MFN2: variants seen among roughly 807,000 people sequenced by gnomAD.
MFN2 encodes mitofusin 2.
MFN2 carries 43 observed loss-of-function variants against 87.5 expected under a neutral mutation model. The observed-to-expected ratio is 0.49, with a 90% CI of 0.38 to 0.63. The LOEUF is 0.63. Among genes scored for constraint, MFN2 ranks in the 30% least tolerant of loss-of-function variants. MFN2 has a pLI of 0.00. For synonymous variants in MFN2, 337 were observed against 359.9 expected, an observed-to-expected ratio of 0.94 and a Z score of 0.72; for missense variants, 743 against 972.8, an observed-to-expected ratio of 0.76 and a Z score of 3.14.
Position 12,004,711 on chromosome 1 carries a change from A to G in MFN2, c.1392+98A>G. On this transcript the variant is annotated intron_variant, in intron 13 of 18. Coordinates refer to ENST00000235329, the MANE Select transcript of MFN2 (RefSeq NM_014874.4). This position sits in a 1 kb window ranked among gnomAD's most constrained non-coding sequence, Gnocchi z 4.2. ...AGGGCCCCCCAGCAGTGACAGTAGA[A>G]GCCACAGAGACAAGGCCCAGGCTTC... The G allele has an allele frequency of 6.7e-7, 1 of 1,494,942 alleles. No individual in the cohort carries two copies. Among genetic ancestry groups the G allele is most frequent in the Non-Finnish European group, 9.3e-7 (1 of 1,073,706 alleles). 92.6% of individuals were successfully genotyped at this position (1,494,942 alleles called of 1,614,324 possible).
At chr1:12,005,490 A>G (rs763956911) in intron 14 of MFN2, among the ~76,000 whole-genome samples, 2 of 152,228 alleles carry the variant, frequency 1.3e-5, no homozygotes, top group African/African-American at 2.4e-5. Flanking sequence ...CGTGAGGCAT[A>G]AGTGTTAGCA....
At position 12,007,189 on chromosome 1, in the gene MFN2, G is replaced by T; in HGVS notation, c.2009G>T (p.Ser670Ile). 6.2e-7 allele frequency: 1 copy of T among 1,614,182 alleles called. No homozygotes were observed. ...AFKRQFVEHA[S>I]EKLQLVISYT... ...AAGCGCCAGTTTGTGGAGCATGCCA[G>T]CGAGAAGCTGCAGCTTGTCATCAGC... Residue 670 changes from serine to isoleucine, a missense_variant, in exon 17 of 19, where the codon AGC becomes ATC. Around this residue, in one of 3 missense-constraint regions of MFN2, gnomAD observed 571 missense variants for 670.7 expected, o/e 0.85. Coordinates refer to ENST00000235329, the MANE Select transcript of MFN2 (RefSeq NM_014874.4).
chr1:12,006,069 A>G, intron 15 of MFN2, 138 bp downstream of exon 15: 1 of 753,472 alleles, frequency 1.3e-6, no homozygotes, highest in Non-Finnish European at 2.2e-6. Context: ...AGTACACCAC[A>G]GACAGAATTT....
intron 1 of MFN2, among the ~76,000 whole-genome samples, chr1:11,980,804 A>G (rs1195919533): frequency 6.6e-6 from 1 of 152,168 alleles, no homozygotes; most frequent in Non-Finnish European, 1.5e-5. Context: ...TTTACTCAGC[A>G]CCTGATAGGT....
intron 16 of MFN2, 43 bp from the exon 17 acceptor site, chr1:12,007,010 G>A (rs374393255): frequency 3.7e-6 from 6 of 1,610,482 alleles, no homozygotes; most frequent in Non-Finnish European, 5.1e-6. Flanking sequence ...AGGAGGGTGG[G>A]CCACAGAGAG....
chr1:11,994,331 G>C (rs146513119), intron 4 of MFN2, among the ~76,000 whole-genome samples: 1,876 of 152,348 alleles, frequency 0.012, 26 homozygotes, highest in African/African-American at 0.042. Flanking sequence ...GCTCACGCCT[G>C]TAATCCCAGC....
At chr1:12,011,083 C>T (rs561910571) in intron 18 of MFN2, among the ~76,000 whole-genome samples, 13 of 152,278 alleles carry the variant, frequency 8.5e-5, no homozygotes, top group African/African-American at 3.1e-4. Flanking sequence ...TGCTTGCCCT[C>T]TGGGGACTCT....
intron 6 of MFN2, among the ~76,000 whole-genome samples, chr1:11,998,117 C>G (rs1639007517): frequency 6.6e-6 from 1 of 151,524 alleles, no homozygotes; most frequent in African/African-American, 2.4e-5. Flanking sequence ...CTGCTGACCT[C>G]ATGATCCGCC....
rs1638958555 is a variant in MFN2, at chr1:11,997,362, T to A, written c.540T>A (p.Ser180Arg). ...AGCTCCATGCCGGCAGCCTAGTGAG[T>A]GTGATGTGGCCCAACTCTAAGTGCC... ...DKQLHAGSLV[S>R]VMWPNSKCPL... is the part of the protein sequence containing the mutation. Residue 180 changes from serine to arginine, a missense_variant, in exon 6 of 19, where the codon AGT becomes AGA. Coordinates refer to ENST00000235329, the MANE Select transcript of MFN2 (RefSeq NM_014874.4). The A allele has an allele frequency of 6.2e-7, 1 of 1,613,956 alleles. No individual in the cohort carries two copies. The highest frequency in any genetic ancestry group is 1.3e-5 in the African/African-American group (1 of 74,888).
At chr1:11,992,523 C>T (rs1638732195) in intron 3 of MFN2, 32 bp from the exon 4 acceptor site, 5 of 1,614,010 alleles carry the variant, frequency 3.1e-6, no homozygotes, top group Middle Eastern at 1.6e-4. Context: ...CCTCTGACCA[C>T]GTGGTGACCC....
At chr1:12,000,868 G>A (rs191025884) in intron 8 of MFN2, among the ~76,000 whole-genome samples, 2 of 152,266 alleles carry the variant, frequency 1.3e-5, no homozygotes, top group Admixed American at 1.3e-4. Context: ...AAGCATTTCT[G>A]CTTGTATATG....
In MFN2 at chr1:12,006,526, TTCTC is replaced by T. The variant is rs746359726; in HGVS notation, c.1717-9_1717-6del. 1.5e-5 allele frequency: 24 copies of T among 1,614,030 alleles called. 1 individual carries two copies. Among genetic ancestry groups the T allele is most frequent in the Admixed American group, 1.7e-5 (1 of 60,010 alleles). ...TACGTCCCCCTCACCCCTCTCATGTTTCTCTCCTCAGGTCCAGCGTCCCATCCCT... is the reference window on the plus strand; with the variant it reads ...TACGTCCCCCTCACCCCTCTCATGTTTCCTCAGGTCCAGCGTCCCATCCCT... On this transcript the variant is annotated splice_region_variant and splice_polypyrimidine_tract_variant and intron_variant, in intron 15 of 18. Transcript: ENST00000235329.
chr1:11,994,002 C>A lies in MFN2; in HGVS notation c.311+1312C>A, dbSNP rs1275069881. Among the ~76,000 whole-genome samples the A allele has an allele frequency of 2.6e-5, 4 of 152,152 alleles. No individual in the cohort carries two copies. The East Asian group carries it at 7.7e-4, about 29-fold the overall frequency. On this transcript the variant is annotated intron_variant, in intron 4 of 18. Coordinates refer to ENST00000235329, the MANE Select transcript of MFN2 (RefSeq NM_014874.4). ...TGGGTCACAACTTTGTTTAAAGGAA[C>A]ACTTCCACAGCTGTAGTCAAAGGTG...
At chr1:12,001,903 G>A in intron 10 of MFN2, 67 bp downstream of exon 10, 1 of 1,613,992 alleles carries the variant, frequency 6.2e-7, no homozygotes, top group Admixed American at 1.7e-5. Flanking sequence ...TGTGTCCCTG[G>A]CAGTGAAAAC....
intron 17 of MFN2, among the ~76,000 whole-genome samples, chr1:12,007,791 T>C (rs1330621465): frequency 6.6e-6 from 1 of 152,036 alleles, no homozygotes; most frequent in Non-Finnish European, 1.5e-5. Flanking sequence ...TTTTAATTGA[T>C]CATTCTTGGG....
intron 3 of MFN2, among the ~76,000 whole-genome samples, chr1:11,991,966 G>GTGGTTAA (rs1638704925): frequency 1.4e-5 from 2 of 139,718 alleles, no homozygotes; most frequent in Non-Finnish European, 3.1e-5. Context: ...GTGACATAGA[G>GTGGTTAA]TGGTTAAGAG....
In MFN2 at chr1:12,004,505, G is replaced by A. The variant is rs1167841408; in HGVS notation, c.1288-4G>A. On this transcript the variant is annotated splice_polypyrimidine_tract_variant and splice_region_variant and intron_variant, in intron 12 of 18. Transcript: ENST00000235329. This position sits in a 1 kb window ranked among gnomAD's most constrained non-coding sequence, Gnocchi z 4.2. ...ACTTAACAGTGTGCTTCCTTTTGCT[G>A]TAGGTGTCGACTGCAATGGCCGAGG... The A allele has an allele frequency of 6.2e-7, 1 of 1,613,846 alleles. No homozygotes were observed. Among genetic ancestry groups the A allele is most frequent in the Middle Eastern group, 1.6e-4 (1 of 6,062 alleles).
chr1:12,013,168 A>G lies in MFN2; in HGVS notation c.*1603A>G, dbSNP rs1639760168. On this transcript the variant is annotated 3_prime_UTR_variant, in exon 19 of 19. Coordinates refer to ENST00000235329, the MANE Select transcript of MFN2 (RefSeq NM_014874.4). ...TGTCAGGGAAAATCACTGTCACACAATTCCAATGGATTTTGTGCTCTTTTT... is the reference window on the plus strand; with the variant it reads ...TGTCAGGGAAAATCACTGTCACACAGTTCCAATGGATTTTGTGCTCTTTTT... The G allele has an allele frequency of 2.8e-6, 1 of 351,718 alleles. No individual in the cohort carries two copies. Among genetic ancestry groups the G allele is most frequent in the Non-Finnish European group, 5.6e-6 (1 of 178,990 alleles). 21.8% of individuals were successfully genotyped at this position (351,718 alleles called of 1,614,324 possible).
intron 16 of MFN2, 137 bp downstream of exon 16, chr1:12,006,830 G>A (rs1026467675): frequency 6.2e-5 from 86 of 1,383,500 alleles, no homozygotes; most frequent in African/African-American, 1.0e-4. Context: ...GTGATTGCAT[G>A]GGGAGCGCTT....
Sources: gnomAD v4.1 joint callset for allele counts (sites outside exome capture counted in the v4.1 genomes callset) on GRCh38, gnomAD v4.1.1 for gene constraint, gnomAD v4.1.1 regional missense constraint, Gnocchi (gnomAD v3.1) non-coding constraint, MANE v1.5 for transcripts, NCBI Gene and HGNC (gene_info 2026-07-23, HGNC 2026-07-21) for gene names.